Variants in LCA5 observed in about 807,000 individuals in gnomAD.
LCA5 encodes lebercilin LCA5.
A neutral mutation model predicts 53.0 loss-of-function variants in LCA5; 37 were observed. That is an observed-to-expected ratio of 0.70 (90% CI 0.54 to 0.92). The LOEUF (loss-of-function observed/expected upper bound fraction) is 0.92, where lower values mean the gene tolerates loss of function less well. Among genes scored for constraint, LCA5 ranks in the 40% least tolerant of loss-of-function variants. LCA5 has a pLI of 0.00. For synonymous variants in LCA5, 303 were observed against 282.9 expected, an observed-to-expected ratio of 1.07 and a Z score of -0.71; for missense variants, 806 against 790.5, an observed-to-expected ratio of 1.02 and a Z score of -0.23.
In LCA5 at chr6:79,492,618, A is replaced by AT; in HGVS notation, c.887dup (p.Asn296LysfsTer5). ...ACTTTGGCAGACGATTAGAATATAT[A>AT]TTTTTTATATCCAGTTCTCTCTCCT... On this transcript the variant is annotated frameshift_variant, in exon 5 of 8. Coordinates refer to ENST00000369846, the MANE Select transcript of LCA5 (RefSeq NM_001122769.3). LOFTEE classifies it high-confidence loss of function. 6.4e-7 allele frequency: 1 copy of AT among 1,556,150 alleles called. No individual in the cohort carries two copies. The highest frequency in any genetic ancestry group is 1.4e-5 in the African/African-American group (1 of 73,774).
At chr6:79,504,815 T>A (rs1299408602) in intron 3 of LCA5, among the ~76,000 whole-genome samples, 1 of 152,098 alleles carries the variant, frequency 6.6e-6, no homozygotes, top group Non-Finnish European at 1.5e-5. Context: ...TGTGCAAAAA[T>A]ACACATACAT....
chr6:79,516,184 A>G (rs1766432585), intron 2 of LCA5, among the ~76,000 whole-genome samples: 1 of 151,760 alleles, frequency 6.6e-6, no homozygotes, highest in East Asian at 1.9e-4. Context: ...TTCATTTGTG[A>G]CCTGCATTAT....
intron 1 of LCA5, among the ~76,000 whole-genome samples, chr6:79,530,365 G>T (rs1582657088): frequency 6.6e-6 from 1 of 152,128 alleles, no homozygotes; most frequent in Non-Finnish European, 1.5e-5. Flanking sequence ...AAAGGGTGAA[G>T]GGTGGGATGA....
At chr6:79,536,939 G>C (rs527535668) in intron 1 of LCA5, among the ~76,000 whole-genome samples, 1 of 151,850 alleles carries the variant, frequency 6.6e-6, no homozygotes, top group African/African-American at 2.4e-5. Context: ...TCCCTTCCTC[G>C]GGACCCTCTC....
Position 79,518,688 on chromosome 6 carries a change from T to A in LCA5, c.190+17A>T. ...TGAGTCTTCTAGGTCCACCAGACTC[T>A]TTTAAAGAATGCTTACCTTGGTGAT... On this transcript the variant is annotated intron_variant, in intron 2 of 7. Transcript: ENST00000369846. 1 of 1,613,168 alleles carries A rather than the reference T, an allele frequency of 6.2e-7. No individual in the cohort carries two copies. Among genetic ancestry groups the A allele is most frequent in the Non-Finnish European group, 8.5e-7 (1 of 1,179,114 alleles).
At chr6:79,535,967 T>G (rs1767105033) in intron 1 of LCA5, among the ~76,000 whole-genome samples, 1 of 152,156 alleles carries the variant, frequency 6.6e-6, no homozygotes, top group African/African-American at 2.4e-5. Context: ...TTCCATTGTG[T>G]CCTACAGAAT....
At chr6:79,515,355 T>C (rs1450681863) in intron 2 of LCA5, among the ~76,000 whole-genome samples, 1 of 152,102 alleles carries the variant, frequency 6.6e-6, no homozygotes, top group Non-Finnish European at 1.5e-5. Context: ...GGATTTCTTT[T>C]CTGTGATGTT....
chr6:79,487,371 A>G lies in LCA5; in HGVS notation c.1727T>C (p.Phe576Ser), dbSNP rs1674669719. 1 of 1,612,742 alleles carries G rather than the reference A, an allele frequency of 6.2e-7. No homozygotes were observed. Among genetic ancestry groups the G allele is most frequent in the African/African-American group, 1.3e-5 (1 of 74,748 alleles). Residue 576 changes from phenylalanine (F) to serine (S), a missense_variant, in exon 8 of 8, where the codon TTT (phenylalanine) becomes TCT (serine). Transcript: ENST00000369846. ...CATACTGTTTCTTTGGAAATCCAAAAAACTACTTTTTTGACTAAATGGATT... is the reference window on the plus strand; with the variant it reads ...CATACTGTTTCTTTGGAAATCCAAAGAACTACTTTTTTGACTAAATGGATT... ...RSNPFSQKSS[F>S]LDFQRNSMEK...
At chr6:79,508,908 T>C (rs1329287633) in intron 3 of LCA5, among the ~76,000 whole-genome samples, 3 of 152,106 alleles carry the variant, frequency 2.0e-5, no homozygotes, top group East Asian at 3.9e-4. Flanking sequence ...CAAAAACAAA[T>C]GCTAAATTTT....
chr6:79,513,245 C>G lies in LCA5; in HGVS notation c.687G>C (p.Glu229Asp), dbSNP rs201349266. 2.1e-5 allele frequency: 34 copies of G among 1,613,408 alleles called. No individual in the cohort carries two copies. Among genetic ancestry groups the G allele is most frequent in the Non-Finnish European group, 2.8e-5 (33 of 1,179,682 alleles). ...DDLAKKLVSA[E>D]LKLDDTERRI... is the part of the protein sequence containing the mutation. ...TTCTCTCGGTGTCATCTAACTTTAACTCTGCTGAAACTAGTTTCTTTGCCA... is the reference window on the plus strand; with the variant it reads ...TTCTCTCGGTGTCATCTAACTTTAAGTCTGCTGAAACTAGTTTCTTTGCCA... Residue 229 changes from glutamate (E) to aspartate (D), a missense_variant, in exon 3 of 8, where the codon GAG (glutamate) becomes GAC (aspartate). Coordinates refer to ENST00000369846, the MANE Select transcript of LCA5 (RefSeq NM_001122769.3).
At chr6:79,499,079 C>T (rs1415708950) in intron 3 of LCA5, among the ~76,000 whole-genome samples, 1 of 152,084 alleles carries the variant, frequency 6.6e-6, no homozygotes, top group Non-Finnish European at 1.5e-5. Flanking sequence ...AGTAGTTTCA[C>T]ATTCAAAACA....
intron 1 of LCA5, among the ~76,000 whole-genome samples, chr6:79,527,374 G>C (rs548567842): frequency 6.6e-6 from 1 of 152,234 alleles, no homozygotes; most frequent in East Asian, 1.9e-4. Context: ...ACGTCAAAAT[G>C]GAAACTGGCA....
chr6:79,526,899 T>TC (rs1230898621), intron 1 of LCA5, among the ~76,000 whole-genome samples: 1 of 152,078 alleles, frequency 6.6e-6, no homozygotes, highest in Non-Finnish European at 1.5e-5. Context: ...GCTACAAATC[T>TC]CCCTACTATG....
chr6:79,528,880 T>C (rs1766871114), intron 1 of LCA5, among the ~76,000 whole-genome samples: 1 of 152,188 alleles, frequency 6.6e-6, no homozygotes, highest in African/African-American at 2.4e-5. Flanking sequence ...TGGGAAACGT[T>C]GTACTTTCAA....
Position 79,532,628 on chromosome 6 carries a change from GT to G in LCA5, c.-192+4536del, listed in dbSNP as rs751511536. ...CACTAATTAGAACTTCACAAAAGTG[GT>G]TCCTTCTCTTCTTCCTGTTCTCAGC... On this transcript the variant is annotated intron_variant, in intron 1 of 7. Transcript: ENST00000369846. Among the ~76,000 whole-genome samples, 7 of 152,206 alleles carry G rather than the reference GT, an allele frequency of 4.6e-5. No homozygotes were observed. The East Asian group carries it at 7.7e-4, about 17-fold the overall frequency.
At chr6:79,526,742 A>G (rs925219621) in intron 1 of LCA5, among the ~76,000 whole-genome samples, 5 of 152,168 alleles carry the variant, frequency 3.3e-5, no homozygotes, top group Non-Finnish European at 7.3e-5. Flanking sequence ...AAACTCTCAA[A>G]AAGCTATCAC....
chr6:79,513,316 G>A lies in LCA5; in HGVS notation c.616C>T (p.Leu206=). 6.2e-7 allele frequency: 1 copy of A among 1,613,564 alleles called. No individual in the cohort carries two copies. Among genetic ancestry groups the A allele is most frequent in the Non-Finnish European group, 8.5e-7 (1 of 1,179,786 alleles). ...TGTCTAGCTTCAGAGATCTCTTTCA[G>A]TTTCTGTAAGGAAAATTTTGTCCTA... The part of the protein sequence containing the change: ...LFRTKFSLQK[L]KEISEARHLP... Residue 206 remains leucine, a synonymous_variant, in exon 3 of 8, where the codon CTG becomes TTG. Coordinates refer to ENST00000369846, the MANE Select transcript of LCA5 (RefSeq NM_001122769.3).
intron 1 of LCA5, among the ~76,000 whole-genome samples, chr6:79,524,546 T>G (rs946900171): frequency 6.6e-6 from 1 of 152,202 alleles, no homozygotes; most frequent in Non-Finnish European, 1.5e-5. Flanking sequence ...ATCAGCATTA[T>G]TTGTGACACA....
intron 3 of LCA5, among the ~76,000 whole-genome samples, chr6:79,508,722 T>C (rs1770333987): frequency 6.6e-6 from 1 of 152,152 alleles, no homozygotes; most frequent in African/African-American, 2.4e-5. Flanking sequence ...GATTTTACTG[T>C]AATTTCAAGG....
Sources: gnomAD v4.1 joint callset for allele counts (sites outside exome capture counted in the v4.1 genomes callset) on GRCh38, gnomAD v4.1.1 for gene constraint, MANE v1.5 for transcripts, NCBI Gene and HGNC (gene_info 2026-07-23, HGNC 2026-07-21) for gene names.